Variants in HSD17B13 observed in about 807,000 individuals in gnomAD.
HSD17B13 encodes hydroxysteroid 17-beta dehydrogenase 13, also known as 17-beta-hydroxysteroid dehydrogenase 13.
In HSD17B13, 26 loss-of-function variants were observed where a neutral mutation model predicts 31.1. The observed-to-expected ratio is 0.84, with a 90% CI of 0.61 to 1.16. HSD17B13 has a LOEUF of 1.16. Ranked by LOEUF, HSD17B13 falls within the 50% of genes most tolerant of loss-of-function variation. HSD17B13 has a pLI of 0.00. For synonymous variants in HSD17B13, 141 were observed against 133.7 expected (o/e 1.05, Z -0.38); for missense variants, 374 against 366.5 (o/e 1.02, Z -0.17).
Position 87,305,193 on chromosome 4 carries a change from A to G in HSD17B13, c.*25T>C. Reference sequence around the variant, plus strand: ...AACTATTCATATCATTATCATGCATACATCTCTGGCTGGAGCTTATTTATT... The same window carrying G: ...AACTATTCATATCATTATCATGCATGCATCTCTGGCTGGAGCTTATTTATT... On this transcript the variant is annotated 3_prime_UTR_variant, in exon 7 of 7. Coordinates refer to ENST00000328546, the MANE Select transcript of HSD17B13 (RefSeq NM_178135.5). The G allele has an allele frequency of 1.7e-5, 24 of 1,439,572 alleles. No homozygotes were observed. The highest frequency in any genetic ancestry group is 2.2e-5 in the Non-Finnish European group (23 of 1,033,428). 89.2% of individuals were successfully genotyped at this position (1,439,572 alleles called of 1,614,324 possible).
chr4:87,322,781 A>G lies in HSD17B13; in HGVS notation c.61T>C (p.Ser21Pro). The G allele has an allele frequency of 1.9e-6, 3 of 1,613,980 alleles. No individual in the cohort carries two copies. Among genetic ancestry groups the G allele is most frequent in the Non-Finnish European group, 2.5e-6 (3 of 1,179,952 alleles). The change falls in exon 1 of 7, where the codon TCG becomes CCG. Residue 21 changes from serine to proline, a missense_variant. Ser to Pro is a moderately conservative substitution (Grantham distance 74). Transcript: ENST00000328546. ...LITIIYSYLE[S>P]LVKFFIPQRR... ...TGAGGAATGAAAAACTTCACCAACG[A>G]CTCCAAGTAGGAGTAGATGATGGTG...
intron 5 of HSD17B13, among the ~76,000 whole-genome samples, chr4:87,311,819 T>C (rs1734535768): frequency 1.3e-5 from 2 of 152,192 alleles, no homozygotes; most frequent in Non-Finnish European, 2.9e-5. Context: ...CTGCCTTGAA[T>C]AGCAAGCCAA....
intron 1 of HSD17B13, among the ~76,000 whole-genome samples, chr4:87,318,837 T>C (rs1355442522): frequency 6.7e-6 from 1 of 148,662 alleles, no homozygotes; most frequent in Admixed American, 6.7e-5. Context: ...ATGTCCAAAA[T>C]GAACAATTAA....
At chr4:87,317,040 T>C (rs1360834628) in intron 3 of HSD17B13, 52 bp downstream of exon 3, 2 of 1,578,164 alleles carry the variant, frequency 1.3e-6, no homozygotes, top group Non-Finnish European at 1.7e-6. Context: ...ATAAGTTTCA[T>C]GTATCTTAAG....
intron 2 of HSD17B13, 118 bp from the exon 3 acceptor site, chr4:87,317,341 G>C (rs1734674975): frequency 1.0e-6 from 1 of 966,334 alleles, no homozygotes; most frequent in Admixed American, 2.2e-5. Context: ...TCAGAGTTCA[G>C]GCAAGACAGA....
Position 87,317,126 on chromosome 4 carries a change from T to G in HSD17B13, c.416A>C (p.Lys139Thr), listed in dbSNP as rs1459101895. Residue 139 changes from lysine to threonine, a missense_variant, in exon 3 of 7, where the codon AAG (lysine) becomes ACG (threonine). Transcript: ENST00000328546. ...TCCTAGGATGTTGACCTCAAATGTCTTGGTAATCTCTTCATCCTTGGTGCT... is the reference window on the plus strand; with the variant it reads ...TCCTAGGATGTTGACCTCAAATGTCGTGGTAATCTCTTCATCCTTGGTGCT... ...LLSTKDEEIT[K>T]TFEVNILGHF... 3 of 1,614,104 alleles carry G rather than the reference T, an allele frequency of 1.9e-6. No individual in the cohort carries two copies. The highest frequency in any genetic ancestry group is 2.5e-6 in the Non-Finnish European group (3 of 1,179,948).
intron 1 of HSD17B13, among the ~76,000 whole-genome samples, chr4:87,318,899 G>A (rs953855394): frequency 6.6e-6 from 1 of 151,124 alleles, no homozygotes; most frequent in Non-Finnish European, 1.5e-5. Context: ...TGGCCTCCTG[G>A]GTCAGGTGTG....
In HSD17B13 at chr4:87,318,343, G is replaced by GA. The variant is rs1560750519; in HGVS notation, c.303dup (p.Arg102SerfsTer12). The GA allele has an allele frequency of 6.2e-7, 1 of 1,612,556 alleles. No homozygotes were observed. Among genetic ancestry groups the GA allele is most frequent in the Non-Finnish European group, 8.5e-7 (1 of 1,178,584 alleles). ...TGCAGTCTCACCTGATTTAGAGAGC[G>GA]ATAGATCTCTTCTCTGTTGCTGCAG... On this transcript the variant is annotated frameshift_variant, in exon 2 of 7. Coordinates refer to ENST00000328546, the MANE Select transcript of HSD17B13 (RefSeq NM_178135.5). LOFTEE classifies it high-confidence loss of function.
At chr4:87,316,111 T>C (rs1734644458) in intron 3 of HSD17B13, among the ~76,000 whole-genome samples, 1 of 152,182 alleles carries the variant, frequency 6.6e-6, no homozygotes, top group East Asian at 1.9e-4. Flanking sequence ...TATGTTGATG[T>C]TACAGAAAAC....
intron 1 of HSD17B13, among the ~76,000 whole-genome samples, chr4:87,320,382 G>GTTTTTTTTTTTTTTTTTTTTTTT (rs66590696): frequency 9.9e-6 from 1 of 101,380 alleles, no homozygotes; most frequent in Non-Finnish European, 1.9e-5. Flanking sequence ...TTATTCTTCA[G>GTTTTTTTTTTTTTTTTTTTTTTT]TTTTTTTTTT....
Position 87,318,212 on chromosome 4 carries a change from C to T in HSD17B13, c.318+117G>A, listed in dbSNP as rs1734699002. ...TCCTTCCTTGGTGACATAACTACTT[C>T]AGTTAGCAGCTAAAATCCAATTTAA... On this transcript the variant is annotated intron_variant, in intron 2 of 6. Coordinates refer to ENST00000328546, the MANE Select transcript of HSD17B13 (RefSeq NM_178135.5). 4.1e-6 allele frequency: 3 copies of T among 731,240 alleles called. No individual in the cohort carries two copies. In the South Asian group the frequency reaches 4.8e-5, roughly 12 times the overall value. The allele number at this position is 731,240 out of a possible 1,614,324, so 45.3% of individuals were successfully genotyped here. A position where few individuals can be genotyped will look rare whatever the true frequency, so the allele number is the denominator to read the frequency against.
intron 6 of HSD17B13, among the ~76,000 whole-genome samples, chr4:87,309,222 C>T (rs773185494): frequency 4.0e-5 from 6 of 150,580 alleles, no homozygotes; most frequent in Non-Finnish European, 8.9e-5. Flanking sequence ...GTCTCTACTA[C>T]AAACACAAAA....
At position 87,305,219 on chromosome 4, in the gene HSD17B13, C is replaced by A; in HGVS notation, c.902G>T (p.Ter301LeuextTer11). The change falls in exon 7 of 7, where the codon TGA becomes TTA. Residue 301 changes from the stop codon to leucine, a stop_lost. Coordinates refer to ENST00000328546, the MANE Select transcript of HSD17B13 (RefSeq NM_178135.5). ...AVVGHKIKMK[*>L] ...CATCTCTGGCTGGAGCTTATTTATTCATTTCATTTTGATTTTGTGGCCAAC... is the reference window on the plus strand; with the variant it reads ...CATCTCTGGCTGGAGCTTATTTATTAATTTCATTTTGATTTTGTGGCCAAC... 6.9e-6 allele frequency: 11 copies of A among 1,585,496 alleles called. No homozygotes were observed. The highest frequency in any genetic ancestry group is 8.6e-6 in the Non-Finnish European group (10 of 1,159,254).
At chr4:87,308,804 C>T in intron 6 of HSD17B13, among the ~76,000 whole-genome samples, 1 of 151,120 alleles carries the variant, frequency 6.6e-6, no homozygotes. Flanking sequence ...ATGAAATGGA[C>T]AAATTCCTTG....
In HSD17B13 at chr4:87,315,503, TGA is replaced by T; in HGVS notation, c.545_546del (p.Leu182HisfsTer59). On this transcript the variant is annotated frameshift_variant, in exon 4 of 7. Transcript: ENST00000328546. LOFTEE classifies it high-confidence loss of function. ...SVCGHEGIPYLIPYCSSKFAA... is the reference protein window; with the variant it reads ...SVCGHEGIPYXIPYCSSKFAA... ...GCATGTGATACTTACCAATATGGGA[TGA>T]GGTAAGGAATCCCTTCGTGGCCGCA... 1 of 1,590,748 alleles carries T rather than the reference TGA, an allele frequency of 6.3e-7. No individual in the cohort carries two copies. The highest frequency in any genetic ancestry group is 2.2e-5 in the East Asian group (1 of 44,650).
chr4:87,317,368 G>A (rs1467445179), intron 2 of HSD17B13, 145 bp from the exon 3 acceptor site: 4 of 734,454 alleles, frequency 5.4e-6, no homozygotes, highest in East Asian at 2.7e-5. Context: ...AGCTCAAATC[G>A]TGGAGGCCAA....
chr4:87,315,805 A>C (rs1168614203), intron 3 of HSD17B13, among the ~76,000 whole-genome samples: 1 of 152,226 alleles, frequency 6.6e-6, no homozygotes, highest in East Asian at 1.9e-4. Context: ...CCATGCCAAC[A>C]CTAATCTCAG....
chr4:87,309,958 G>A lies in HSD17B13; in HGVS notation c.812+285C>T, dbSNP rs1194171470. 3.9e-5 allele frequency among the ~76,000 whole-genome samples: 6 copies of A among 151,972 alleles called. No individual in the cohort carries two copies. The South Asian group carries it at 6.2e-4, about 16-fold the overall frequency. On this transcript the variant is annotated intron_variant, in intron 6 of 6. Coordinates refer to ENST00000328546, the MANE Select transcript of HSD17B13 (RefSeq NM_178135.5). ...GAGGATAACTTGAGGTCAGGAGTTC[G>A]AGTCCAGCCTGGCCAACATGGGGAA...
intron 6 of HSD17B13, 82 bp from the exon 7 acceptor site, chr4:87,305,390 T>C: frequency 1.2e-6 from 1 of 815,908 alleles, no homozygotes; most frequent in Non-Finnish European, 1.9e-6. Context: ...TCATTTAGAA[T>C]ACGCTGAGAG....
Sources: gnomAD v4.1 joint callset for allele counts (sites outside exome capture counted in the v4.1 genomes callset) on GRCh38, gnomAD v4.1.1 for gene constraint, MANE v1.5 for transcripts, NCBI Gene and HGNC (gene_info 2026-07-23, HGNC 2026-07-21) for gene names.